TSHZ2: variants seen among roughly 807,000 people sequenced by gnomAD.
The protein encoded by TSHZ2 is teashirt zinc finger homeobox 2, also known as teashirt homolog 2.
TSHZ2 carries 21 observed loss-of-function variants against 74.4 expected under a neutral mutation model. The ratio of observed to expected loss-of-function variants is 0.28; its 90% CI spans 0.20 to 0.41. The LOEUF is 0.41. Ranked by LOEUF, TSHZ2 falls within the 10% of genes least tolerant of loss-of-function variation. TSHZ2 has a pLI of 1.00. For synonymous variants in TSHZ2, 540 were observed against 515.3 expected (o/e 1.05, Z -0.65); for missense variants, 1,244 against 1,293.5 (o/e 0.96, Z 0.59).
chr20:53,158,334 G>A (rs1211298130), intron 1 of TSHZ2, among the ~76,000 whole-genome samples: 1 of 152,150 alleles, frequency 6.6e-6, no homozygotes, highest in Non-Finnish European at 1.5e-5. Flanking sequence ...CAGGAGAAAA[G>A]CATCATCTGA....
chr20:53,426,366 G>T (rs1209090631), intron 2 of TSHZ2, among the ~76,000 whole-genome samples: 1 of 151,996 alleles, frequency 6.6e-6, no homozygotes, highest in Non-Finnish European at 1.5e-5. Context: ...GAAGGTGACT[G>T]GGGGAGACCC....
chr20:53,097,658 G>A (rs1254620083), intron 1 of TSHZ2: 4 of 152,614 alleles, frequency 2.6e-5, no homozygotes, highest in Admixed American at 6.5e-5. Context: ...AACCAGATGT[G>A]AGGACGATCT....
At chr20:53,252,557 T>C (rs772948569) in intron 1 of TSHZ2, among the ~76,000 whole-genome samples, 13 of 152,246 alleles carry the variant, frequency 8.5e-5, no homozygotes, top group Non-Finnish European at 1.8e-4. Context: ...CCCTTTGCAC[T>C]GGCTCACTCA....
intron 1 of TSHZ2, among the ~76,000 whole-genome samples, chr20:53,216,685 ACT>A (rs1195582017): frequency 2.0e-5 from 3 of 151,966 alleles, no homozygotes; most frequent in Non-Finnish European, 2.9e-5. Context: ...ACAATGTGTC[ACT>A]CTCTGATTTG....
chr20:53,231,496 G>A (rs1464324015), intron 1 of TSHZ2, among the ~76,000 whole-genome samples: 2 of 152,208 alleles, frequency 1.3e-5, no homozygotes, highest in Non-Finnish European at 2.9e-5. Context: ...GCCATGAAAA[G>A]GATTTAAACA....
At chr20:53,015,427 C>T (rs1054022360) in intron 1 of TSHZ2, among the ~76,000 whole-genome samples, 11 of 152,114 alleles carry the variant, frequency 7.2e-5, no homozygotes, top group South Asian at 2.1e-4. Flanking sequence ...TGCTGCCAAA[C>T]GTTCTACAAT....
At chr20:53,113,022 G>C (rs1986576040) in intron 1 of TSHZ2, among the ~76,000 whole-genome samples, 3 of 152,224 alleles carry the variant, frequency 2.0e-5, no homozygotes, top group Admixed American at 6.5e-5. Flanking sequence ...TCAAATTCCA[G>C]ATTTATGCAA....
chr20:53,463,380 G>GAGGAAGGAAGGA lies in TSHZ2; in HGVS notation c.*9-23719_*9-23708dup, dbSNP rs3042220. Among the ~76,000 whole-genome samples the GAGGAAGGAAGGA allele has an allele frequency of 5.6e-3, 384 of 68,610 alleles. 5 individuals carry two copies. Among genetic ancestry groups the GAGGAAGGAAGGA allele is most frequent in the South Asian group, 9.4e-3 (14 of 1,494 alleles). The allele number at this position is 68,610 out of a possible 152,430, so 45.0% of individuals were successfully genotyped here. A position where few individuals can be genotyped will look rare whatever the true frequency, so the allele number is the denominator to read the frequency against. ...CCCTGTCTTGAAAGACAGAGAGAGA[G>GAGGAAGGAAGGA]AGGAAGGAAGGAAGGAAGGAAGGAA... On this transcript the variant is annotated intron_variant, in intron 2 of 2. Coordinates refer to ENST00000371497, the MANE Select transcript of TSHZ2 (RefSeq NM_173485.6).
intron 2 of TSHZ2, among the ~76,000 whole-genome samples, chr20:53,432,097 A>G (rs1439113513): frequency 6.6e-6 from 1 of 152,150 alleles, no homozygotes; most frequent in Non-Finnish European, 1.5e-5. Flanking sequence ...AGTGTACCCA[A>G]AATGTAGTTT....
At chr20:53,147,454 A>G (rs1987569189) in intron 1 of TSHZ2, among the ~76,000 whole-genome samples, 1 of 152,238 alleles carries the variant, frequency 6.6e-6, no homozygotes, top group African/African-American at 2.4e-5. Flanking sequence ...TACCTTCTTC[A>G]ATCCAGTCTA....
At chr20:53,048,237 C>G (rs1984298470) in intron 1 of TSHZ2, among the ~76,000 whole-genome samples, 2 of 152,120 alleles carry the variant, frequency 1.3e-5, no homozygotes, top group Admixed American at 1.3e-4. Context: ...CTGGCCTTTC[C>G]CGTTGTTCTT....
chr20:53,344,406 C>A (rs546196583), intron 2 of TSHZ2, among the ~76,000 whole-genome samples: 2 of 152,088 alleles, frequency 1.3e-5, no homozygotes, highest in Non-Finnish European at 2.9e-5. Context: ...GCCACCCTAC[C>A]GCTGAATTGA....
At chr20:53,398,244 G>C (rs1982528704) in intron 2 of TSHZ2, 1 of 152,130 alleles carries the variant, frequency 6.6e-6, no homozygotes, top group Non-Finnish European at 1.5e-5. Context: ...CTTGAACAAG[G>C]ATTTTCTCAC....
In TSHZ2 at chr20:53,474,939, A is replaced by G. The variant is rs946718516; in HGVS notation, c.*9-12205A>G. Among the ~76,000 whole-genome samples, 2 of 141,490 alleles carry G rather than the reference A, an allele frequency of 1.4e-5. 1 individual carries two copies. Among genetic ancestry groups the G allele is most frequent in the South Asian group, 4.7e-4 (2 of 4,270 alleles). 92.8% of individuals were successfully genotyped at this position (141,490 alleles called of 152,430 possible). ...CCATTACATAATGGTAAAGGGATCA[A>G]TTGAACAAGAAGAGCTAACTATCCT... On this transcript the variant is annotated intron_variant, in intron 2 of 2. Transcript: ENST00000371497.
chr20:53,379,653 T>A (rs1488260802), intron 2 of TSHZ2, among the ~76,000 whole-genome samples: 1 of 152,150 alleles, frequency 6.6e-6, no homozygotes, highest in African/African-American at 2.4e-5. Flanking sequence ...TAAATCAGGA[T>A]GTCTAATTGA....
intron 2 of TSHZ2, among the ~76,000 whole-genome samples, chr20:53,363,812 A>G (rs1981157667): frequency 6.6e-6 from 1 of 152,210 alleles, no homozygotes; most frequent in Non-Finnish European, 1.5e-5. Flanking sequence ...ACCCTGTCTC[A>G]ACAACAACAT....
In TSHZ2 at chr20:53,256,830, G is replaced by A. The variant is rs1990493519; in HGVS notation, c.*8+259G>A. 6.6e-6 allele frequency among the ~76,000 whole-genome samples: 1 copy of A among 152,124 alleles called. No homozygotes were observed. The highest frequency in any genetic ancestry group is 2.4e-5 in the African/African-American group (1 of 41,404). Reference sequence around the variant, plus strand: ...TCACAGATTACTACTGCTTTTTTTAGGCCTTCATCATCCATAATCCTGAAT... The same window carrying A: ...TCACAGATTACTACTGCTTTTTTTAAGCCTTCATCATCCATAATCCTGAAT... On this transcript the variant is annotated intron_variant, in intron 2 of 2. Coordinates refer to ENST00000371497, the MANE Select transcript of TSHZ2 (RefSeq NM_173485.6). This position sits in a 1 kb window ranked among gnomAD's most constrained non-coding sequence, Gnocchi z 4.3.
At chr20:53,004,145 C>G (rs544051435) in intron 1 of TSHZ2, among the ~76,000 whole-genome samples, 10 of 152,222 alleles carry the variant, frequency 6.6e-5, no homozygotes, top group South Asian at 4.1e-4. Flanking sequence ...CCACTCCCCC[C>G]CTCCAATTAA....
intron 2 of TSHZ2, among the ~76,000 whole-genome samples, chr20:53,366,943 G>C (rs1311662296): frequency 6.6e-6 from 1 of 152,174 alleles, no homozygotes; most frequent in African/African-American, 2.4e-5. Context: ...TAAAGGAAAG[G>C]CTTGGGCTGT....
Sources: allele counts gnomAD v4.1 joint callset (sites outside exome capture counted in the v4.1 genomes callset), GRCh38; gene constraint gnomAD v4.1.1; non-coding constraint Gnocchi (gnomAD v3.1); transcripts MANE v1.5; gene names NCBI Gene and HGNC (gene_info 2026-07-23, HGNC 2026-07-21).